SESTD1: variants seen among roughly 807,000 people sequenced by gnomAD.
SESTD1 encodes the protein SEC14 domain and spectrin repeat-containing protein 1.
Under a neutral mutation model 101.7 loss-of-function variants are expected in SESTD1, and 43 were observed. That is an observed-to-expected ratio of 0.42 (90% CI 0.33 to 0.55). SESTD1 has a LOEUF of 0.55. Ranked by LOEUF, SESTD1 falls within the 20% of genes least tolerant of loss-of-function variation. The pLI is 0.07. For synonymous variants in SESTD1, 283 were observed against 286.8 expected (o/e 0.99, Z 0.13); for missense variants, 647 against 815.1 (o/e 0.79, Z 2.51).
At position 179,108,279 on chromosome 2, in the gene SESTD1, T is replaced by C. The variant is rs993841214; in HGVS notation, c.*1620A>G. 4 of 152,160 alleles carry C rather than the reference T, an allele frequency of 2.6e-5. No individual in the cohort carries two copies. The highest frequency in any genetic ancestry group is 5.9e-5 in the Non-Finnish European group (4 of 68,042). The allele number at this position is 152,160 out of a possible 1,614,324, so 9.4% of individuals were successfully genotyped here. ...GCAGGCACATCTTAAATTAGGGTTATGCGACTGTACTCACAGTTATTTCAG... is the reference window on the plus strand; with the variant it reads ...GCAGGCACATCTTAAATTAGGGTTACGCGACTGTACTCACAGTTATTTCAG... On this transcript the variant is annotated 3_prime_UTR_variant, in exon 18 of 18. Transcript: ENST00000428443.
chr2:179,116,932 A>C, intron 14 of SESTD1, 142 bp from the exon 15 acceptor site: 1 of 1,152,054 alleles, frequency 8.7e-7, no homozygotes, highest in Non-Finnish European at 1.2e-6. Context: ...TATTTCATTC[A>C]ATGATAAGCT....
At chr2:179,146,015 C>G (rs1042714686) in intron 8 of SESTD1, among the ~76,000 whole-genome samples, 6 of 151,764 alleles carry the variant, frequency 4.0e-5, no homozygotes, top group African/African-American at 1.2e-4. Context: ...CCCCCACCCC[C>G]ACCCTGGGCC....
At chr2:179,188,250 C>A (rs2046264502) in intron 2 of SESTD1, among the ~76,000 whole-genome samples, 1 of 152,052 alleles carries the variant, frequency 6.6e-6, no homozygotes, top group African/African-American at 2.4e-5. Flanking sequence ...CACAGTGTAA[C>A]AGAAATAGAA....
In SESTD1 at chr2:179,149,319, C is replaced by G. The variant is rs889347809; in HGVS notation, c.559G>C (p.Gly187Arg). Residue 187 changes from glycine to arginine, a missense_variant, in exon 7 of 18, where the codon GGA becomes CGA. By Grantham distance (125) the Gly-to-Arg change is moderately radical. This residue lies in a region of SESTD1 where 168 missense variants were observed against 235.1 expected (regional missense o/e 0.71). Transcript: ENST00000428443. ...TACCTTTCTTTCTCTTGCTGATTTC[C>G]TTTATCACTTCCATTGTTAATCAAA... ...LALINNGSDK[G>R]NQQEKERSVD... 1 of 1,610,586 alleles carries G rather than the reference C, an allele frequency of 6.2e-7. No homozygotes were observed. The highest frequency in any genetic ancestry group is 1.1e-5 in the South Asian group (1 of 90,282).
Position 179,132,423 on chromosome 2 carries a change from C to T in SESTD1, c.853G>A (p.Val285Met). 1.3e-6 allele frequency: 2 copies of T among 1,550,850 alleles called. No homozygotes were observed. Among genetic ancestry groups the T allele is most frequent in the African/African-American group, 1.4e-5 (1 of 69,178 alleles). The change falls in exon 10 of 18, where the codon GTG becomes ATG. Residue 285 changes from valine (V) to methionine (M), a missense_variant. Physicochemically the swap from Val to Met is conservative, Grantham distance 21. Transcript: ENST00000428443. ...GATCCAGGCCCTTCTAGCCAGTTCACCACCTATAAACAAAAGTTGAGATAA... is the reference window on the plus strand; with the variant it reads ...GATCCAGGCCCTTCTAGCCAGTTCATCACCTATAAACAAAAGTTGAGATAA... ...EEIQQKVMQV[V>M]NWLEGPGSEQ... is the part of the protein sequence containing the mutation.
At chr2:179,178,487 T>A (rs1214660374) in intron 3 of SESTD1, among the ~76,000 whole-genome samples, 1 of 151,664 alleles carries the variant, frequency 6.6e-6, no homozygotes, top group Non-Finnish European at 1.5e-5. Context: ...ATAAAAGACT[T>A]GGGGAGAGAA....
At chr2:179,116,575 T>A (rs779936803) in intron 15 of SESTD1, 93 bp downstream of exon 15, 2 of 1,588,496 alleles carry the variant, frequency 1.3e-6, no homozygotes, top group Non-Finnish European at 1.7e-6. Flanking sequence ...AAAACTAACC[T>A]TCTTGTACTT....
chr2:179,172,233 T>C lies in SESTD1; in HGVS notation c.256A>G (p.Asn86Asp). ...AGGGACACCTCAGCTGGAACAACATTCTATAAAATACAGAAAAATAATTAC... is the reference window on the plus strand; with the variant it reads ...AGGGACACCTCAGCTGGAACAACATCCTATAAAATACAGAAAAATAATTAC... The part of the protein sequence containing the change: ...VVKTVVVMLQ[N>D]VVPAEVSLVC... Residue 86 changes from asparagine to aspartate, a missense_variant and splice_region_variant, in exon 5 of 18, where the codon AAT becomes GAT. Coordinates refer to ENST00000428443, the MANE Select transcript of SESTD1 (RefSeq NM_178123.5). The C allele has an allele frequency of 1.3e-6, 2 of 1,570,550 alleles. No individual in the cohort carries two copies.
rs367811321 is a variant in SESTD1, at chr2:179,191,696, TA to T, written c.55+90del. ...AATACCTTTTAAACAAAACTTTCAT[TA>T]AAAAAAAATGCATCTGTCATACTTA... On this transcript the variant is annotated intron_variant, in intron 2 of 17. Transcript: ENST00000428443. The T allele has an allele frequency of 2.6e-3, 2,576 of 1,002,240 alleles. 8 individuals carry two copies. Among genetic ancestry groups the T allele is most frequent in the African/African-American group, 9.2e-3 (550 of 60,094 alleles). 62.1% of individuals were successfully genotyped at this position (1,002,240 alleles called of 1,614,324 possible). A position where few individuals can be genotyped will look rare whatever the true frequency, so the allele number is the denominator to read the frequency against.
At chr2:179,249,046 G>T (rs1161798610) in intron 1 of SESTD1, among the ~76,000 whole-genome samples, 1 of 146,152 alleles carries the variant, frequency 6.8e-6, no homozygotes, top group East Asian at 2.0e-4. Flanking sequence ...AGCCATGATC[G>T]CATCACTGCA....
chr2:179,144,692 T>C (rs1054505428), intron 8 of SESTD1, among the ~76,000 whole-genome samples: 15 of 152,090 alleles, frequency 9.9e-5, no homozygotes, highest in African/African-American at 3.6e-4. Context: ...GCAACTGAAC[T>C]TTTATTATGG....
chr2:179,218,527 T>C (rs922211826), intron 1 of SESTD1, among the ~76,000 whole-genome samples: 5 of 152,002 alleles, frequency 3.3e-5, no homozygotes, highest in African/African-American at 1.2e-4. Flanking sequence ...AATGCAACCA[T>C]GATTTTGTGT....
intron 2 of SESTD1, among the ~76,000 whole-genome samples, chr2:179,184,686 CAA>C (rs1449657122): frequency 6.6e-6 from 1 of 152,080 alleles, no homozygotes; most frequent in Non-Finnish European, 1.5e-5. Context: ...CATCAATGGT[CAA>C]GAGAGGGCGT....
chr2:179,104,693 C>T lies in SESTD1; in HGVS notation c.*5206G>A, dbSNP rs549185832. The T allele has an allele frequency of 2.0e-5, 3 of 152,102 alleles. No individual in the cohort carries two copies. The highest frequency in any genetic ancestry group is 2.9e-5 in the Non-Finnish European group (2 of 68,024). 9.4% of individuals were successfully genotyped at this position (152,102 alleles called of 1,614,324 possible). Reference sequence around the variant, plus strand: ...ATGCCTAACTTAAAATCCCTAATAACACTGCTCCTGATAAGTAGCAGTTGA... The same window carrying T: ...ATGCCTAACTTAAAATCCCTAATAATACTGCTCCTGATAAGTAGCAGTTGA... On this transcript the variant is annotated 3_prime_UTR_variant, in exon 18 of 18. Coordinates refer to ENST00000428443, the MANE Select transcript of SESTD1 (RefSeq NM_178123.5).
intron 1 of SESTD1, among the ~76,000 whole-genome samples, chr2:179,233,792 A>T (rs2047020839): frequency 6.6e-6 from 1 of 152,128 alleles, no homozygotes; most frequent in African/African-American, 2.4e-5. Flanking sequence ...ACAGGGATAC[A>T]TGCATGCATG....
Position 179,205,980 on chromosome 2 carries a change from A to G in SESTD1, c.-25-14114T>C, listed in dbSNP as rs1246863208. On this transcript the variant is annotated intron_variant, in intron 1 of 17. Coordinates refer to ENST00000428443, the MANE Select transcript of SESTD1 (RefSeq NM_178123.5). Reference sequence around the variant, plus strand: ...TTCAAGTGTTTAGCACAGTCATTAAAAAAAACAAAAATCTTTCTCTTTCTG... The same window carrying G: ...TTCAAGTGTTTAGCACAGTCATTAAGAAAAACAAAAATCTTTCTCTTTCTG... 1.5e-5 allele frequency among the ~76,000 whole-genome samples: 2 copies of G among 135,256 alleles called. 1 individual carries two copies. The highest frequency in any genetic ancestry group is 4.0e-4 in the East Asian group (2 of 5,056). The allele number at this position is 135,256 out of a possible 152,430, so 88.7% of individuals were successfully genotyped here. A position where few individuals can be genotyped will look rare whatever the true frequency, so the allele number is the denominator to read the frequency against.
rs541782986 is a variant in SESTD1 at position 179,148,257 on chromosome 2, G to A, written c.581+1040C>T. Among the ~76,000 whole-genome samples the A allele has an allele frequency of 2.3e-4, 35 of 152,154 alleles. 1 individual carries two copies. The highest frequency in any genetic ancestry group is 6.5e-5 in the Admixed American group (1 of 15,270). Reference sequence around the variant, plus strand: ...AGGTCAGATTCAAAGGAGACAGATCGGATGACAGGGAACACCAGGATTCTT... The same window carrying A: ...AGGTCAGATTCAAAGGAGACAGATCAGATGACAGGGAACACCAGGATTCTT... On this transcript the variant is annotated intron_variant, in intron 7 of 17. Coordinates refer to ENST00000428443, the MANE Select transcript of SESTD1 (RefSeq NM_178123.5).
intron 10 of SESTD1, 46 bp from the exon 11 acceptor site, chr2:179,124,604 C>A: frequency 6.9e-7 from 1 of 1,446,016 alleles, no homozygotes; most frequent in Non-Finnish European, 9.5e-7. Context: ...AAATTAGTTC[C>A]TGGAAGAGAT....
Position 179,207,477 on chromosome 2 carries a change from C to T in SESTD1, c.-25-15611G>A, listed in dbSNP as rs973211389. The stretch of plus-strand genomic sequence containing the variant: ...TAAAATCAAGGACTCCCACAGAGTC[C>T]ACCTTATTTACTCCCCTGCCACCTC... On this transcript the variant is annotated intron_variant, in intron 1 of 17. Coordinates refer to ENST00000428443, the MANE Select transcript of SESTD1 (RefSeq NM_178123.5). Among the ~76,000 whole-genome samples the T allele has an allele frequency of 7.4e-5, 10 of 135,070 alleles. 1 individual carries two copies. Among genetic ancestry groups the T allele is most frequent in the African/African-American group, 2.6e-4 (9 of 34,134 alleles). The allele number at this position is 135,070 out of a possible 152,430, so 88.6% of individuals were successfully genotyped here.
Sources: allele counts gnomAD v4.1 joint callset (sites outside exome capture counted in the v4.1 genomes callset), GRCh38; gene constraint gnomAD v4.1.1; regional missense constraint gnomAD v4.1.1; transcripts MANE v1.5; gene names NCBI Gene and HGNC (gene_info 2026-07-23, HGNC 2026-07-21).